ELSPBP1: variants seen among roughly 807,000 people sequenced by gnomAD.
ELSPBP1 encodes the protein epididymal sperm-binding protein 1.
Under a neutral mutation model 33.3 loss-of-function variants are expected in ELSPBP1, and 38 were observed. That is an observed-to-expected ratio of 1.14 (90% CI 0.88 to 1.50). The LOEUF is 1.50. Among genes scored for constraint, ELSPBP1 ranks in the 40% most tolerant of loss-of-function variants. ELSPBP1 has a pLI of 0.00. For missense variants in ELSPBP1, 267 were observed against 263.5 expected (o/e 1.01, Z -0.09); for synonymous variants, 85 against 94.1 (o/e 0.90, Z 0.56).
intron 4 of ELSPBP1, 75 bp from the exon 5 acceptor site, chr19:48,019,644 C>G (rs985763604): frequency 1.2e-5 from 18 of 1,443,850 alleles, no homozygotes; most frequent in Non-Finnish European, 1.7e-5. Context: ...AAGCGTGGCA[C>G]AGTTTGTGTG....
chr19:48,022,289 T>C lies in ELSPBP1; in HGVS notation c.634T>C (p.Tyr212His). The C allele has an allele frequency of 1.9e-6, 3 of 1,613,334 alleles. No homozygotes were observed. The highest frequency in any genetic ancestry group is 2.5e-6 in the Non-Finnish European group (3 of 1,179,634). ...GAACCTTGTGTGGTGTGCAACTTCT[T>C]ACAACTACGACCAAGACCACACCTG... ...KENLVWCATS[Y>H]NYDQDHTWVY... The change falls in exon 6 of 7, where the codon TAC becomes CAC. Residue 212 changes from tyrosine to histidine, a missense_variant. Tyr to His is a moderately conservative substitution (Grantham distance 83). Coordinates refer to ENST00000339841, the MANE Select transcript of ELSPBP1 (RefSeq NM_022142.5).
At chr19:48,003,165 T>C (rs1359321884) in intron 1 of ELSPBP1, among the ~76,000 whole-genome samples, 1 of 152,210 alleles carries the variant, frequency 6.6e-6, no homozygotes, top group Non-Finnish European at 1.5e-5. Flanking sequence ...GTCTGGCTAT[T>C]AGGGCTTGTT....
intron 1 of ELSPBP1, among the ~76,000 whole-genome samples, chr19:48,003,582 G>A (rs1406929046): frequency 2.0e-5 from 3 of 149,380 alleles, no homozygotes; most frequent in Admixed American, 1.3e-4. Flanking sequence ...TGTCACCCAG[G>A]CTGGAGTGCA....
chr19:48,008,618 G>A (rs1318255986), intron 1 of ELSPBP1, 33 bp from the exon 2 acceptor site: 3 of 1,516,136 alleles, frequency 2.0e-6, no homozygotes, highest in Non-Finnish European at 2.7e-6. Flanking sequence ...AAGGGGACGT[G>A]TGGGATGAAA....
At chr19:48,018,317 G>C (rs915132396) in intron 4 of ELSPBP1, among the ~76,000 whole-genome samples, 1 of 152,130 alleles carries the variant, frequency 6.6e-6, no homozygotes, top group African/African-American at 2.4e-5. Flanking sequence ...GTAAAGACTG[G>C]AGTTTATTTT....
rs566664191 is a variant in ELSPBP1, at chr19:48,008,580, G to A, written c.-17-71G>A. On this transcript the variant is annotated intron_variant, in intron 1 of 6. Transcript: ENST00000339841. ...TGGAAAGAAAAATGGCATGTATGAC[G>A]TCAAATCTAGGAGGTAATGGGAAGA... 102 of 1,086,772 alleles carry A rather than the reference G, an allele frequency of 9.4e-5. 1 individual carries two copies. The highest frequency in any genetic ancestry group is 4.9e-4 in the South Asian group (36 of 72,826). 67.3% of individuals were successfully genotyped at this position (1,086,772 alleles called of 1,614,324 possible). A position where few individuals can be genotyped will look rare whatever the true frequency, so the allele number is the denominator to read the frequency against.
intron 1 of ELSPBP1, among the ~76,000 whole-genome samples, chr19:48,003,092 G>C (rs1008205656): frequency 2.6e-5 from 4 of 152,176 alleles, no homozygotes; most frequent in Non-Finnish European, 2.9e-5. Flanking sequence ...CCAAGCATCT[G>C]AACCTGCCAG....
At chr19:48,013,892 G>C (rs1271920523) in intron 2 of ELSPBP1, among the ~76,000 whole-genome samples, 1 of 152,070 alleles carries the variant, frequency 6.6e-6, no homozygotes, top group Non-Finnish European at 1.5e-5. Flanking sequence ...GTGCCTTCTT[G>C]CTGTATCCTC....
In ELSPBP1 at chr19:48,011,262, T is replaced by G. The variant is rs917789560; in HGVS notation, c.70+2525T>G. Among the ~76,000 whole-genome samples the G allele has an allele frequency of 7.9e-5, 12 of 151,818 alleles. No individual in the cohort carries two copies. Among genetic ancestry groups the G allele is most frequent in the Non-Finnish European group, 1.8e-4 (12 of 67,978 alleles). On this transcript the variant is annotated intron_variant, in intron 2 of 6. Coordinates refer to ENST00000339841, the MANE Select transcript of ELSPBP1 (RefSeq NM_022142.5). The surrounding 1 kb of genome is among the most constrained non-coding windows in gnomAD (Gnocchi z 4.5). Reference sequence around the variant, plus strand: ...TGATGATGACAATGATTGATAATGATGATGACAATGACGATGATGATCACC... The same window carrying G: ...TGATGATGACAATGATTGATAATGAGGATGACAATGACGATGATGATCACC...
intron 1 of ELSPBP1, among the ~76,000 whole-genome samples, chr19:48,002,194 G>T (rs1027949515): frequency 6.6e-6 from 1 of 152,166 alleles, no homozygotes; most frequent in African/African-American, 2.4e-5. Context: ...TCAGTACTTT[G>T]TTGGGGTCAC....
chr19:48,002,516 C>T (rs1012772287), intron 1 of ELSPBP1, among the ~76,000 whole-genome samples: 7 of 152,184 alleles, frequency 4.6e-5, no homozygotes, highest in East Asian at 1.9e-4. Flanking sequence ...TTGGGCCGGG[C>T]GCAGTGGCTC....
intron 1 of ELSPBP1, 35 bp from the exon 2 acceptor site, chr19:48,008,616 G>A (rs111590260): frequency 1.4e-5 from 21 of 1,474,020 alleles, no homozygotes; most frequent in South Asian, 4.6e-5. Context: ...GGAAGGGGAC[G>A]TGTGGGATGA....
At chr19:48,004,828 T>TCTA (rs1967001356) in intron 1 of ELSPBP1, among the ~76,000 whole-genome samples, 1 of 152,236 alleles carries the variant, frequency 6.6e-6, no homozygotes, top group South Asian at 2.1e-4. Context: ...TGCATACTCA[T>TCTA]CGTGTAGCCC....
intron 2 of ELSPBP1, among the ~76,000 whole-genome samples, chr19:48,013,931 T>C (rs1007231191): frequency 6.6e-6 from 1 of 152,104 alleles, no homozygotes; most frequent in Non-Finnish European, 1.5e-5. Context: ...GCTAGCTCTC[T>C]GGGGTCTCTT....
intron 1 of ELSPBP1, among the ~76,000 whole-genome samples, chr19:47,996,198 AATGG>A (rs1173405765): frequency 1.3e-5 from 2 of 152,110 alleles, no homozygotes; most frequent in Admixed American, 1.3e-4. Flanking sequence ...TGGATAGAAG[AATGG>A]ATGAACAGTG....
intron 1 of ELSPBP1, among the ~76,000 whole-genome samples, chr19:48,008,358 G>A (rs1408864256): frequency 6.6e-6 from 1 of 152,100 alleles, no homozygotes; most frequent in Non-Finnish European, 1.5e-5. Flanking sequence ...TCAGCCTCCT[G>A]AATAGCTGGG....
intron 1 of ELSPBP1, among the ~76,000 whole-genome samples, chr19:48,004,639 G>T (rs939392479): frequency 2.0e-5 from 3 of 152,058 alleles, no homozygotes; most frequent in Non-Finnish European, 4.4e-5. Context: ...ATTTCTCAGA[G>T]CACCCTCCCC....
At position 48,003,030 on chromosome 19, in the gene ELSPBP1, C is replaced by T. The variant is rs376871101; in HGVS notation, c.-17-5621C>T. On this transcript the variant is annotated intron_variant, in intron 1 of 6. Transcript: ENST00000339841. Reference sequence around the variant, plus strand: ...TTTCCGACCAGCCAAGAAACAGCAGCGGTGGCAGGATGCTGGTCCCAACCA... The same window carrying T: ...TTTCCGACCAGCCAAGAAACAGCAGTGGTGGCAGGATGCTGGTCCCAACCA... 3.9e-5 allele frequency among the ~76,000 whole-genome samples: 6 copies of T among 152,116 alleles called. No homozygotes were observed. In the East Asian group the frequency reaches 7.7e-4, roughly 20 times the overall value.
intron 2 of ELSPBP1, among the ~76,000 whole-genome samples, chr19:48,013,039 G>A (rs1430100135): frequency 6.6e-6 from 1 of 152,110 alleles, no homozygotes; most frequent in East Asian, 1.9e-4. Context: ...AGATGCAGTA[G>A]AGAAATACTA....
Sources: gnomAD v4.1 joint callset for allele counts (sites outside exome capture counted in the v4.1 genomes callset) on GRCh38, gnomAD v4.1.1 for gene constraint, Gnocchi (gnomAD v3.1) non-coding constraint, MANE v1.5 for transcripts, NCBI Gene and HGNC (gene_info 2026-07-23, HGNC 2026-07-21) for gene names.